The following LBP variants were observed in gnomAD, a reference collection of about 807,000 sequenced individuals.
LBP encodes lipopolysaccharide-binding protein.
LBP carries 53 observed loss-of-function variants against 56.6 expected under a neutral mutation model. That is an observed-to-expected ratio of 0.94 (90% CI 0.75 to 1.18). The LOEUF (loss-of-function observed/expected upper bound fraction) is 1.18, where lower values mean the gene tolerates loss of function less well. Ranked by LOEUF, LBP falls within the 50% of genes most tolerant of loss-of-function variation. The probability of loss-of-function intolerance (pLI) is 0.00; values close to 1 mark genes in which losing one functional copy is unlikely to be tolerated. For synonymous variants in LBP, 227 were observed against 247.5 expected (o/e 0.92, Z 0.78); for missense variants, 601 against 598.3 (o/e 1.00, Z -0.05).
Position 38,376,937 on chromosome 20 carries a change from TA to T in LBP, c.*269del. On this transcript the variant is annotated 3_prime_UTR_variant, in exon 15 of 15. Transcript: ENST00000217407. The stretch of plus-strand genomic sequence containing the variant: ...TTTACAAGCAGGCACTGTATTTTTT[TA>T]TTCGCCATCTGATCCCCATGCCTAG... 1.6e-6 allele frequency: 1 copy of T among 614,558 alleles called. No individual in the cohort carries two copies. Among genetic ancestry groups the T allele is most frequent in the Non-Finnish European group, 3.0e-6 (1 of 328,812 alleles). 38.1% of individuals were successfully genotyped at this position (614,558 alleles called of 1,614,324 possible). A position where few individuals can be genotyped will look rare whatever the true frequency, so the allele number is the denominator to read the frequency against.
rs1343450331 is a variant in LBP at position 38,355,384 on chromosome 20, AG to A, written c.564del (p.Lys188AsnfsTer13). 6.2e-7 allele frequency: 1 copy of A among 1,613,770 alleles called. No homozygotes were observed. Among genetic ancestry groups the A allele is most frequent in the Non-Finnish European group, 8.5e-7 (1 of 1,179,978 alleles). The stretch of plus-strand genomic sequence containing the variant: ...CTCTTCCACAACCAGATTGAGTCCA[AG>A]TTCCAGAAAGTACTGGAGAGCAGGG... ...LNLFHNQIES[K>X]FQKVLESRIC... On this transcript the variant is annotated frameshift_variant, in exon 5 of 15. Coordinates refer to ENST00000217407, the MANE Select transcript of LBP (RefSeq NM_004139.5). LOFTEE classifies it high-confidence loss of function.
At position 38,349,640 on chromosome 20, in the gene LBP, C is replaced by T. The variant is rs374882159; in HGVS notation, c.217C>T (p.Arg73Cys). 16 of 1,608,208 alleles carry T rather than the reference C, an allele frequency of 9.9e-6. No homozygotes were observed. Among genetic ancestry groups the T allele is most frequent in the Middle Eastern group, 1.7e-4 (1 of 6,044 alleles). ...TGDLRIPHVG[R>C]GRYEFHSLNI... ...GGACTTGAGGATCCCCCACGTCGGC[C>T]GTGGGCGCTATGAGTTCCACAGGTG... Residue 73 changes from arginine to cysteine, a missense_variant, in exon 2 of 15, where the codon CGT (arginine) becomes TGT (cysteine). By Grantham distance (180) the Arg-to-Cys change is radical. Coordinates refer to ENST00000217407, the MANE Select transcript of LBP (RefSeq NM_004139.5).
chr20:38,360,556 G>C, intron 5 of LBP, 148 bp from the exon 6 acceptor site: 1 of 603,210 alleles, frequency 1.7e-6, no homozygotes, highest in Admixed American at 2.4e-5. Context: ...GTATTTCCTT[G>C]GTACCTGGCT....
chr20:38,371,328 T>G lies in LBP; in HGVS notation c.1260+6T>G. On this transcript the variant is annotated splice_donor_region_variant and intron_variant, in intron 12 of 14. Transcript: ENST00000217407. Reference sequence around the variant, plus strand: ...CCAAAGTTGGACTATTCAATGTAAGTTGTTTTTATTGATGACATGATTAGA... The same window carrying G: ...CCAAAGTTGGACTATTCAATGTAAGGTGTTTTTATTGATGACATGATTAGA... 2 of 1,587,856 alleles carry G rather than the reference T, an allele frequency of 1.3e-6. No homozygotes were observed. The highest frequency in any genetic ancestry group is 8.6e-7 in the Non-Finnish European group (1 of 1,156,956).
chr20:38,358,740 A>G (rs1244169358), intron 5 of LBP, among the ~76,000 whole-genome samples: 1 of 152,108 alleles, frequency 6.6e-6, no homozygotes, highest in Non-Finnish European at 1.5e-5. Context: ...CACAGAAGCC[A>G]TCTGTGACCC....
At chr20:38,354,587 G>T in intron 4 of LBP, 148 bp downstream of exon 4, 1 of 618,266 alleles carries the variant, frequency 1.6e-6, no homozygotes, top group Non-Finnish European at 2.6e-6. Context: ...CTGTTGAGAT[G>T]AACAGACTTA....
chr20:38,360,896 C>G, intron 6 of LBP, 129 bp downstream of exon 6: 1 of 629,316 alleles, frequency 1.6e-6, no homozygotes, highest in Non-Finnish European at 2.6e-6. Context: ...GGCGCAGCGG[C>G]TCACACCTGT....
At position 38,364,669 on chromosome 20, in the gene LBP, G is replaced by T. The variant is rs1466676502; in HGVS notation, c.838G>T (p.Ala280Ser). The change falls in exon 8 of 15, where the codon GCC (alanine) becomes TCC (serine). Residue 280 changes from alanine (A) to serine (S), a missense_variant. Physicochemically the swap from Ala to Ser is moderately conservative, Grantham distance 99. Transcript: ENST00000217407. ...GGAACACAACAAAATGGTCTACTTTGCCATCTCGGATTATGTCTTCAACAC... is the reference window on the plus strand; with the variant it reads ...GGAACACAACAAAATGGTCTACTTTTCCATCTCGGATTATGTCTTCAACAC... ...PEEHNKMVYF[A>S]ISDYVFNTAS... 6.2e-7 allele frequency: 1 copy of T among 1,614,108 alleles called. No homozygotes were observed. Among genetic ancestry groups the T allele is most frequent in the Non-Finnish European group, 8.5e-7 (1 of 1,180,034 alleles).
intron 3 of LBP, among the ~76,000 whole-genome samples, chr20:38,352,605 A>T (rs2076824240): frequency 6.6e-6 from 1 of 152,162 alleles, no homozygotes; most frequent in African/African-American, 2.4e-5. Context: ...AAATACAAAA[A>T]TTAGCTGGGC....
intron 12 of LBP, 66 bp downstream of exon 12, chr20:38,371,388 G>T: frequency 8.5e-7 from 1 of 1,176,006 alleles, no homozygotes; most frequent in South Asian, 1.3e-5. Context: ...CTAAGCAATT[G>T]CTATGGCACC....
Position 38,376,960 on chromosome 20 carries a change from C to A in LBP, c.*291C>A, listed in dbSNP as rs535618996. 1.8e-6 allele frequency: 1 copy of A among 568,890 alleles called. No homozygotes were observed. The highest frequency in any genetic ancestry group is 2.2e-5 in the Admixed American group (1 of 45,914). 35.2% of individuals were successfully genotyped at this position (568,890 alleles called of 1,614,324 possible). A position where few individuals can be genotyped will look rare whatever the true frequency, so the allele number is the denominator to read the frequency against. ...TTTATTCGCCATCTGATCCCCATGC[C>A]TAGCAGAGTGCTGGCACTTAGTAGG... On this transcript the variant is annotated 3_prime_UTR_variant, in exon 15 of 15. Transcript: ENST00000217407.
rs1170733210 is a variant in LBP at position 38,354,491 on chromosome 20, C to G, written c.524+52C>G. 5 of 1,539,460 alleles carry G rather than the reference C, an allele frequency of 3.2e-6. No homozygotes were observed. The Admixed American group carries it at 7.3e-5, about 22-fold the overall frequency. On this transcript the variant is annotated intron_variant, in intron 4 of 14. Transcript: ENST00000217407. ...CTGGACTCCTGGTTGCAGCTCCCGG[C>G]CAATCCAGCGCTCAGCCTGGCCTCC...
intron 10 of LBP, among the ~76,000 whole-genome samples, chr20:38,370,082 A>G (rs933635772): frequency 6.6e-6 from 1 of 152,156 alleles, no homozygotes; most frequent in African/African-American, 2.4e-5. Flanking sequence ...AAATTAAAAT[A>G]TAATTTACTG....
intron 1 of LBP, among the ~76,000 whole-genome samples, chr20:38,348,049 G>A (rs768683647): frequency 2.0e-5 from 3 of 152,164 alleles, no homozygotes; most frequent in Non-Finnish European, 4.4e-5. Context: ...CGTTCCAGGC[G>A]GAAGGACCCC....
chr20:38,362,216 G>A (rs190254523), intron 6 of LBP, among the ~76,000 whole-genome samples: 9,326 of 150,460 alleles, frequency 0.062, 331 homozygotes, highest in South Asian at 0.13. Flanking sequence ...CCGCCACCAC[G>A]TCTGGCTAAT....
At position 38,366,773 on chromosome 20, in the gene LBP, C is replaced by A. The variant is rs150838547; in HGVS notation, c.926C>A (p.Pro309Gln). The change falls in exon 9 of 15, where the codon CCG becomes CAG. Residue 309 changes from proline (P) to glutamine (Q), a missense_variant. Pro to Gln is a moderately conservative substitution (Grantham distance 76). Transcript: ENST00000217407. ...CTTCATGTCTCTTTGCTGCAGATAC[C>A]GCCTGACTCTAATATCCGACTGACC... ...LNFSITDDMI[P>Q]PDSNIRLTTK... 1 of 1,613,942 alleles carries A rather than the reference C, an allele frequency of 6.2e-7. No homozygotes were observed. The highest frequency in any genetic ancestry group is 1.1e-5 in the South Asian group (1 of 91,090).
At chr20:38,349,440 TA>T in intron 1 of LBP, 107 bp from the exon 2 acceptor site, 2 of 755,528 alleles carry the variant, frequency 2.6e-6, no homozygotes, top group South Asian at 1.5e-5. Context: ...TTAATGCTAA[TA>T]AGGATGTTGG....
At chr20:38,376,400 GCAGCTCGGGGAATGA>G (rs953347049) in intron 14 of LBP, among the ~76,000 whole-genome samples, 2 of 152,176 alleles carry the variant, frequency 1.3e-5, no homozygotes, top group African/African-American at 4.8e-5. Context: ...CCGGGCAGCA[GCAGCTCGGGGAATGA>G]CAGATCGATC....
intron 3 of LBP, among the ~76,000 whole-genome samples, chr20:38,354,052 T>A (rs748397188): frequency 1.3e-5 from 2 of 152,208 alleles, no homozygotes; most frequent in Non-Finnish European, 2.9e-5. Flanking sequence ...ATCAAGGATT[T>A]CCTTTATGGC....
Sources: gnomAD v4.1 joint callset for allele counts (sites outside exome capture counted in the v4.1 genomes callset) on GRCh38, gnomAD v4.1.1 for gene constraint, MANE v1.5 for transcripts, NCBI Gene and HGNC (gene_info 2026-07-23, HGNC 2026-07-21) for gene names.